CXXC5: variants seen among roughly 807,000 people sequenced by gnomAD.
The protein encoded by CXXC5 is CXXC finger protein 5.
CXXC5 carries 2 observed loss-of-function variants against 17.6 expected under a neutral mutation model. That is an observed-to-expected ratio of 0.11 (90% CI 0.05 to 0.36). The LOEUF (loss-of-function observed/expected upper bound fraction) is 0.36. CXXC5 is among the 10% of genes least tolerant of loss of function. CXXC5 has a pLI of 1.00. For synonymous variants in CXXC5, 171 were observed against 193.0 expected (o/e 0.89, Z 0.94); for missense variants, 343 against 458.3 (o/e 0.75, Z 2.30).
At chr5:139,652,500 CTGTG>C (rs1755269223) in intron 1 of CXXC5, among the ~76,000 whole-genome samples, 1 of 152,142 alleles carries the variant, frequency 6.6e-6, no homozygotes, top group Non-Finnish European at 1.5e-5. Context: ...AGAGATGAGG[CTGTG>C]TGGGCACTAG....
At chr5:139,660,341 T>C (rs1755726536) in intron 1 of CXXC5, among the ~76,000 whole-genome samples, 1 of 152,064 alleles carries the variant, frequency 6.6e-6, no homozygotes, top group African/African-American at 2.4e-5. Flanking sequence ...CTCCCGCCCC[T>C]CCACCCCAAG....
intron 1 of CXXC5, among the ~76,000 whole-genome samples, chr5:139,657,745 C>A (rs1395835020): frequency 1.3e-5 from 2 of 152,148 alleles, no homozygotes; most frequent in Non-Finnish European, 1.5e-5. Context: ...TGCCGGCTGG[C>A]CTGGGCTGGG....
intron 1 of CXXC5, among the ~76,000 whole-genome samples, chr5:139,672,737 C>A (rs1262389777): frequency 1.3e-5 from 2 of 152,166 alleles, no homozygotes; most frequent in African/African-American, 4.8e-5. Context: ...GAAGCAAGAG[C>A]CATTCCTTTC....
intron 1 of CXXC5, among the ~76,000 whole-genome samples, chr5:139,678,410 GC>G (rs1185837512): frequency 6.6e-6 from 1 of 152,122 alleles, no homozygotes; most frequent in Non-Finnish European, 1.5e-5. Flanking sequence ...CCCTGCCAGG[GC>G]CCCCCGGCTC....
rs1041458827 is a variant in CXXC5, at chr5:139,680,276, A to G, written c.-160-88A>G. On this transcript the variant is annotated intron_variant, in intron 1 of 2. Transcript: ENST00000302517. ...CCTGGTCAAGCACATGGTGGTCAGG[A>G]TGACAGGACCGTTGATAGTGGCGGT... is the stretch of plus-strand genomic sequence containing the variant. 3 of 571,218 alleles carry G rather than the reference A, an allele frequency of 5.3e-6. No individual in the cohort carries two copies. The Admixed American group carries it at 9.8e-5, about 19-fold the overall frequency. The allele number at this position is 571,218 out of a possible 1,614,324, so 35.4% of individuals were successfully genotyped here. A position where few individuals can be genotyped will look rare whatever the true frequency, so the allele number is the denominator to read the frequency against.
rs140856043 is a variant in CXXC5, at chr5:139,672,672, C to T, written c.-160-7692C>T. Among the ~76,000 whole-genome samples, 635 of 152,318 alleles carry T rather than the reference C, an allele frequency of 4.2e-3. 1 individual carries two copies. The highest frequency in any genetic ancestry group is 6.8e-3 in the Non-Finnish European group (463 of 68,030). On this transcript the variant is annotated intron_variant, in intron 1 of 2. Coordinates refer to ENST00000302517, the MANE Select transcript of CXXC5 (RefSeq NM_016463.9). Reference sequence around the variant, plus strand: ...CCTTTTTTTCCCCTCTGTATCTCTACCTCCTTCCCCATGATATGCCCTGGG... The same window carrying T: ...CCTTTTTTTCCCCTCTGTATCTCTATCTCCTTCCCCATGATATGCCCTGGG...
upstream of CXXC5, chr5:139,647,523 T>C (rs767403620): frequency 6.6e-6 from 1 of 152,278 alleles, no homozygotes; most frequent in Non-Finnish European, 1.5e-5. Context: ...AAGCGGGATA[T>C]GCGGGCCCAA....
chr5:139,660,630 G>A (rs970589330), intron 1 of CXXC5, among the ~76,000 whole-genome samples: 2 of 152,020 alleles, frequency 1.3e-5, no homozygotes, highest in Non-Finnish European at 2.9e-5. Context: ...GCCCAGAGAG[G>A]GGGATACGCT....
In CXXC5 at chr5:139,680,981, A is replaced by G. The variant is rs748020882; in HGVS notation, c.458A>G (p.Glu153Gly). 5.0e-6 allele frequency: 8 copies of G among 1,602,798 alleles called. No homozygotes were observed. The highest frequency in any genetic ancestry group is 6.8e-6 in the Non-Finnish European group (8 of 1,179,934). The change falls in exon 2 of 3, where the codon GAG (glutamate) becomes GGG (glycine). Residue 153 changes from glutamate to glycine, a missense_variant. This residue lies in a region of CXXC5 where 297 missense variants were observed against 363.4 expected (regional missense o/e 0.82). Transcript: ENST00000302517. ...SLLSKAERAT[E>G]LAAEGQLTLQ... Reference sequence around the variant, plus strand: ...CTGAGCAAGGCAGAGCGGGCCACGGAGCTGGCAGCCGAGGGACAGCTGACG... The same window carrying G: ...CTGAGCAAGGCAGAGCGGGCCACGGGGCTGGCAGCCGAGGGACAGCTGACG...
chr5:139,651,065 G>T (rs1755147248), intron 1 of CXXC5: 1 of 152,270 alleles, frequency 6.6e-6, no homozygotes, highest in African/African-American at 2.4e-5. Context: ...CCGGAACTTG[G>T]GTAGAACCCC....
chr5:139,651,634 C>CT (rs1755184426), intron 1 of CXXC5, among the ~76,000 whole-genome samples: 1 of 152,092 alleles, frequency 6.6e-6, no homozygotes, highest in South Asian at 2.1e-4. Context: ...TTCTTCAGGA[C>CT]TGACTGCACC....
chr5:139,659,459 T>C (rs1247731462), intron 1 of CXXC5: 1 of 152,306 alleles, frequency 6.6e-6, no homozygotes. Context: ...CCCCGCACAC[T>C]GCAGGAGGGC....
Position 139,658,216 on chromosome 5 carries a change from T to G in CXXC5, c.-161+9371T>G, listed in dbSNP as rs1386522691. ...CCCCTTTCTTCCTGGGGCGGTCAGA[T>G]CTTGGTGGCCTAGAATTTCTTAGTC... is the stretch of plus-strand genomic sequence containing the variant. On this transcript the variant is annotated intron_variant, in intron 1 of 2. Coordinates refer to ENST00000302517, the MANE Select transcript of CXXC5 (RefSeq NM_016463.9). This position sits in a 1 kb window ranked among gnomAD's most constrained non-coding sequence, Gnocchi z 4.1. 1.3e-5 allele frequency among the ~76,000 whole-genome samples: 2 copies of G among 152,090 alleles called. No individual in the cohort carries two copies.
In CXXC5 at chr5:139,668,680, C is replaced by T. The variant is rs1325869932; in HGVS notation, c.-160-11684C>T. 6.6e-6 allele frequency among the ~76,000 whole-genome samples: 1 copy of T among 152,144 alleles called. No individual in the cohort carries two copies. The highest frequency in any genetic ancestry group is 1.9e-4 in the East Asian group (1 of 5,182). ...GGTCTGAGTAGGCTCTGGGCCATGCCGGGGTACCTGGCTTGGAGGCTCTCT... is the reference window on the plus strand; with the variant it reads ...GGTCTGAGTAGGCTCTGGGCCATGCTGGGGTACCTGGCTTGGAGGCTCTCT... On this transcript the variant is annotated intron_variant, in intron 1 of 2. Transcript: ENST00000302517. The surrounding 1 kb of genome is among the most constrained non-coding windows in gnomAD (Gnocchi z 4.1).
rs1031633079 is a variant in CXXC5, at chr5:139,663,695, C to T, written c.-161+14850C>T. 6.6e-6 allele frequency among the ~76,000 whole-genome samples: 1 copy of T among 152,190 alleles called. No homozygotes were observed. Among genetic ancestry groups the T allele is most frequent in the Non-Finnish European group, 1.5e-5 (1 of 68,024 alleles). On this transcript the variant is annotated intron_variant, in intron 1 of 2. Transcript: ENST00000302517. The surrounding 1 kb of genome is among the most constrained non-coding windows in gnomAD (Gnocchi z 4.2). ...GGGCCATGACCTGGGTTACCCAACACGCCTGGCCTGACTTGTCCGTGACGT... is the reference window on the plus strand; with the variant it reads ...GGGCCATGACCTGGGTTACCCAACATGCCTGGCCTGACTTGTCCGTGACGT...
At chr5:139,664,507 C>A (rs939196650) in intron 1 of CXXC5, among the ~76,000 whole-genome samples, 3 of 152,166 alleles carry the variant, frequency 2.0e-5, no homozygotes, top group Non-Finnish European at 4.4e-5. Context: ...GGCCCTGGGT[C>A]AGGGCTCACT....
At chr5:139,677,473 GAGA>G in intron 1 of CXXC5, among the ~76,000 whole-genome samples, 1 of 152,328 alleles carries the variant, frequency 6.6e-6, no homozygotes, top group East Asian at 1.9e-4. Context: ...AGGTCTGAAG[GAGA>G]AGATGAGCCA....
At chr5:139,662,534 C>T (rs1206657704) in intron 1 of CXXC5, among the ~76,000 whole-genome samples, 1 of 152,248 alleles carries the variant, frequency 6.6e-6, no homozygotes, top group Non-Finnish European at 1.5e-5. Flanking sequence ...AACACCCAGA[C>T]TACCGGTCAT....
chr5:139,680,600 G>A lies in CXXC5; in HGVS notation c.77G>A (p.Gly26Asp), dbSNP rs1219545249. The stretch of plus-strand genomic sequence containing the variant: ...AGCACCAATGGCAGCGGTGGCAGTG[G>A]CAGCAGTGGCCCAAAGGCAGGAGCA... ...SSSTNGSGGS[G>D]SSGPKAGAAD... The change falls in exon 2 of 3, where the codon GGC (glycine) becomes GAC (aspartate). Residue 26 changes from glycine (G) to aspartate (D), a missense_variant. Coordinates refer to ENST00000302517, the MANE Select transcript of CXXC5 (RefSeq NM_016463.9). The A allele has an allele frequency of 3.7e-6, 6 of 1,608,392 alleles. No homozygotes were observed. Among genetic ancestry groups the A allele is most frequent in the Non-Finnish European group, 5.1e-6 (6 of 1,178,308 alleles).
Sources: allele counts gnomAD v4.1 joint callset (sites outside exome capture counted in the v4.1 genomes callset), GRCh38; gene constraint gnomAD v4.1.1; regional missense constraint gnomAD v4.1.1; non-coding constraint Gnocchi (gnomAD v3.1); transcripts MANE v1.5; gene names NCBI Gene and HGNC (gene_info 2026-07-23, HGNC 2026-07-21).